The following FSD1L variants were observed in gnomAD, a reference collection of about 807,000 sequenced individuals.
The protein encoded by FSD1L is FSD1-like protein.
FSD1L carries 45 observed loss-of-function variants against 71.6 expected under a neutral mutation model. The ratio of observed to expected loss-of-function variants is 0.63; its 90% CI spans 0.49 to 0.81. The LOEUF (loss-of-function observed/expected upper bound fraction) is 0.81. Among genes scored for constraint, FSD1L ranks in the 30% least tolerant of loss-of-function variants. The pLI is 0.00. For synonymous variants in FSD1L, 197 were observed against 207.2 expected (o/e 0.95, Z 0.42); for missense variants, 561 against 618.1 (o/e 0.91, Z 0.98).
Position 105,544,594 on chromosome 9 carries a change from A to G in FSD1L, c.1468-1764A>G, listed in dbSNP as rs529730971. 4.9e-4 allele frequency among the ~76,000 whole-genome samples: 74 copies of G among 152,068 alleles called. No homozygotes were observed. The East Asian group carries it at 0.01, about 21-fold the overall frequency. The stretch of plus-strand genomic sequence containing the variant: ...TTAAGTCTTTAATCCATCTTGAATT[A>G]ATTTTTGTATAAGGTGTAAGGAAGG... On this transcript the variant is annotated intron_variant, in intron 13 of 13. Transcript: ENST00000481272.
chr9:105,455,736 G>A (rs1435431464), intron 1 of FSD1L, among the ~76,000 whole-genome samples: 5 of 152,128 alleles, frequency 3.3e-5, no homozygotes, highest in Non-Finnish European at 5.9e-5. Context: ...ACCATAAAAT[G>A]TGAAGACTCA....
Position 105,464,366 on chromosome 9 carries a change from T to C in FSD1L, c.207+35T>C, listed in dbSNP as rs972462769. The C allele has an allele frequency of 1.2e-5, 13 of 1,053,960 alleles. No individual in the cohort carries two copies. The Middle Eastern group carries it at 8.2e-4, about 67-fold the overall frequency. The allele number at this position is 1,053,960 out of a possible 1,614,324, so 65.3% of individuals were successfully genotyped here. ...TTTTATGAAAAATTTTGTGTAAATA[T>C]GTCACAATGAGCCAAATCTGAAGTA... On this transcript the variant is annotated intron_variant, in intron 3 of 13. Transcript: ENST00000481272.
intron 1 of FSD1L, among the ~76,000 whole-genome samples, chr9:105,449,346 T>C (rs1415076722): frequency 6.6e-6 from 1 of 152,252 alleles, no homozygotes; most frequent in Non-Finnish European, 1.5e-5. Flanking sequence ...ATGACTATTC[T>C]TAAGGCATTT....
chr9:105,534,464 G>GTTTTTC, intron 10 of FSD1L, 29 bp from the exon 11 acceptor site: 4 of 1,229,578 alleles, frequency 3.3e-6, no homozygotes, highest in Non-Finnish European at 4.6e-6. Context: ...TAAAATATTT[G>GTTTTTC]TTTTTCTTTT....
chr9:105,525,178 G>C (rs1835430124), intron 10 of FSD1L: 4 of 1,591,300 alleles, frequency 2.5e-6, no homozygotes, highest in Non-Finnish European at 3.4e-6. Flanking sequence ...AAGAGCCTCC[G>C]ACATCTAATG....
At position 105,475,149 on chromosome 9, in the gene FSD1L, TTC is replaced by T. The variant is rs1269882650; in HGVS notation, c.441+3150_441+3151del. Reference sequence around the variant, plus strand: ...TCCCACCCTGACTTTAGACCTTGACTTCTCTCTATAGAAAGAGCTGGGTCAGT... The same window carrying T: ...TCCCACCCTGACTTTAGACCTTGACTTCTCTATAGAAAGAGCTGGGTCAGT... On this transcript the variant is annotated intron_variant, in intron 5 of 13. Coordinates refer to ENST00000481272, the MANE Select transcript of FSD1L (RefSeq NM_001145313.3). Among the ~76,000 whole-genome samples the T allele has an allele frequency of 1.1e-4, 16 of 152,334 alleles. No homozygotes were observed. In the East Asian group the frequency reaches 2.9e-3, roughly 28 times the overall value.
Position 105,472,018 on chromosome 9 carries a change from T to C in FSD1L, c.441+13T>C. On this transcript the variant is annotated intron_variant, in intron 5 of 13. Coordinates refer to ENST00000481272, the MANE Select transcript of FSD1L (RefSeq NM_001145313.3). Reference sequence around the variant, plus strand: ...AGAATTTTCAAAGGTACACAAAAACTGCATTAATACACTTAACAAGGGAAG... The same window carrying C: ...AGAATTTTCAAAGGTACACAAAAACCGCATTAATACACTTAACAAGGGAAG... 1 of 1,420,702 alleles carries C rather than the reference T, an allele frequency of 7.0e-7. No homozygotes were observed. Among genetic ancestry groups the C allele is most frequent in the Non-Finnish European group, 9.2e-7 (1 of 1,083,358 alleles). 88.0% of individuals were successfully genotyped at this position (1,420,702 alleles called of 1,614,324 possible). A position where few individuals can be genotyped will look rare whatever the true frequency, so the allele number is the denominator to read the frequency against.
At chr9:105,512,374 CAG>C (rs1834444805) in intron 9 of FSD1L, among the ~76,000 whole-genome samples, 1 of 151,988 alleles carries the variant, frequency 6.6e-6, no homozygotes, top group Non-Finnish European at 1.5e-5. Context: ...ATTAGAGTAT[CAG>C]AGAAAATGTG....
At chr9:105,520,953 G>A in intron 10 of FSD1L, 2 of 1,611,836 alleles carry the variant, frequency 1.2e-6, no homozygotes, top group Non-Finnish European at 1.7e-6. Flanking sequence ...AGAAAACCAA[G>A]AAAGGGGATT....
chr9:105,522,921 C>A (rs540665450), intron 10 of FSD1L: 1 of 1,612,086 alleles, frequency 6.2e-7, no homozygotes, highest in Admixed American at 1.7e-5. Context: ...CCCAGGTGTG[C>A]CCTCAGAATG....
At chr9:105,471,724 T>TTA (rs35702574) in intron 4 of FSD1L, among the ~76,000 whole-genome samples, 180 bp from the exon 5 acceptor site, 11,148 of 143,184 alleles carry the variant, frequency 0.078, 464 homozygotes, top group Middle Eastern at 0.12. Flanking sequence ...ATAACACGTT[T>TTA]TATATATATA....
At chr9:105,448,988 ATTAT>A (rs536002622) in intron 1 of FSD1L, among the ~76,000 whole-genome samples, 1 of 152,360 alleles carries the variant, frequency 6.6e-6, no homozygotes, top group South Asian at 2.1e-4. Flanking sequence ...TTAGAAGTGA[ATTAT>A]TCAGTCATAA....
At chr9:105,522,206 G>T in intron 10 of FSD1L, 1 of 1,613,868 alleles carries the variant, frequency 6.2e-7, no homozygotes, top group African/African-American at 1.3e-5. Context: ...TATTGTCATC[G>T]TTGACCTATT....
At chr9:105,498,816 G>A (rs1487958248) in intron 7 of FSD1L, among the ~76,000 whole-genome samples, 1 of 152,128 alleles carries the variant, frequency 6.6e-6, no homozygotes, top group Non-Finnish European at 1.5e-5. Context: ...TAGAGATGGG[G>A]TTTCGCCATG....
In FSD1L at chr9:105,546,552, G is replaced by T; in HGVS notation, c.*69G>T. On this transcript the variant is annotated 3_prime_UTR_variant, in exon 14 of 14. Coordinates refer to ENST00000481272, the MANE Select transcript of FSD1L (RefSeq NM_001145313.3). The stretch of plus-strand genomic sequence containing the variant: ...CTTTTCTGTGCAGTTACTAATCACA[G>T]GAATTTGGTAGTAGTGAAAATCAGG... 1 of 1,415,756 alleles carries T rather than the reference G, an allele frequency of 7.1e-7. No homozygotes were observed. The highest frequency in any genetic ancestry group is 9.3e-7 in the Non-Finnish European group (1 of 1,072,626). 87.7% of individuals were successfully genotyped at this position (1,415,756 alleles called of 1,614,324 possible).
At chr9:105,543,306 T>C (rs935868083) in intron 13 of FSD1L, among the ~76,000 whole-genome samples, 29 of 152,204 alleles carry the variant, frequency 1.9e-4, no homozygotes, top group African/African-American at 5.8e-4. Flanking sequence ...TATACGGTAG[T>C]TGATGATAGT....
At chr9:105,457,344 T>C (rs548286023) in intron 1 of FSD1L, among the ~76,000 whole-genome samples, 15 of 152,232 alleles carry the variant, frequency 9.9e-5, no homozygotes, top group African/African-American at 2.9e-4. Context: ...TGAGATCTTA[T>C]AGGTCATGTT....
intron 10 of FSD1L, chr9:105,523,450 G>A (rs974283930): frequency 1.1e-5 from 18 of 1,610,028 alleles, no homozygotes; most frequent in African/African-American, 5.3e-5. Flanking sequence ...GTAATGTGGC[G>A]AAGAATGCTA....
intron 7 of FSD1L, among the ~76,000 whole-genome samples, chr9:105,487,565 G>T (rs577648201): frequency 2.9e-4 from 44 of 151,664 alleles, no homozygotes; most frequent in Admixed American, 4.6e-4. Flanking sequence ...TATGAATTTT[G>T]TCAAATTTTC....
Sources: allele counts gnomAD v4.1 joint callset (sites outside exome capture counted in the v4.1 genomes callset), GRCh38; gene constraint gnomAD v4.1.1; transcripts MANE v1.5; gene names NCBI Gene and HGNC (gene_info 2026-07-23, HGNC 2026-07-21).